The following GPC5 variants were observed in gnomAD, a reference collection of about 807,000 sequenced individuals.
GPC5 encodes glypican 5.
A neutral mutation model predicts 53.9 loss-of-function variants in GPC5; 47 were observed. The ratio of observed to expected loss-of-function variants is 0.87; its 90% CI spans 0.69 to 1.11. The LOEUF (loss-of-function observed/expected upper bound fraction) is 1.11. Ranked by LOEUF, GPC5 falls within the 50% of genes most tolerant of loss-of-function variation. The pLI is 0.00. For missense variants in GPC5, 748 were observed against 713.1 expected, an observed-to-expected ratio of 1.05 and a Z score of -0.56; for synonymous variants, 286 against 263.3, an observed-to-expected ratio of 1.09 and a Z score of -0.84.
At chr13:91,689,180 TATAA>T (rs1458676837) in intron 2 of GPC5, among the ~76,000 whole-genome samples, 2 of 76,022 alleles carry the variant, frequency 2.6e-5, no homozygotes, top group East Asian at 3.9e-4. Context: ...AAAAATCATA[TATAA>T]ATATATATAT....
At chr13:91,765,983 T>G (rs1296534100) in intron 5 of GPC5, among the ~76,000 whole-genome samples, 1 of 152,228 alleles carries the variant, frequency 6.6e-6, no homozygotes, top group Admixed American at 6.5e-5. Flanking sequence ...CACTTAAAAT[T>G]CTGTAATACA....
At position 92,824,726 on chromosome 13, in the gene GPC5, G is replaced by GAAA. The variant is rs5805766; in HGVS notation, c.1562-41548_1562-41546dup. On this transcript the variant is annotated intron_variant, in intron 7 of 7. Coordinates refer to ENST00000377067, the MANE Select transcript of GPC5 (RefSeq NM_004466.6). ...TAAATCTAAATAGCAAATGCCTTTTGAAAAAAAAAACTTCTCATCTTACAG... is the reference window on the plus strand; with the variant it reads ...TAAATCTAAATAGCAAATGCCTTTTGAAAAAAAAAAAAACTTCTCATCTTACAG... Among the ~76,000 whole-genome samples the GAAA allele has an allele frequency of 8.9e-3, 1,332 of 150,074 alleles. 8 individuals are homozygous for GAAA. The highest frequency in any genetic ancestry group is 0.012 in the Non-Finnish European group (836 of 67,548).
intron 2 of GPC5, among the ~76,000 whole-genome samples, chr13:91,665,943 G>T (rs1025683597): frequency 6.6e-6 from 1 of 152,156 alleles, no homozygotes; most frequent in Admixed American, 6.5e-5. Context: ...TCTTAGAGTT[G>T]GAAGGAATTT....
chr13:91,635,617 C>A (rs1369450112), intron 2 of GPC5, among the ~76,000 whole-genome samples: 1 of 152,034 alleles, frequency 6.6e-6, no homozygotes. Flanking sequence ...ACACTGATAT[C>A]TTTAAATTAC....
intron 6 of GPC5, chr13:91,995,062 C>T (rs570093607): frequency 1.3e-5 from 2 of 152,086 alleles, no homozygotes; most frequent in Non-Finnish European, 2.9e-5. Flanking sequence ...AGATCCGACT[C>T]CCAGGTTCAC....
At position 91,415,916 on chromosome 13, in the gene GPC5, T is replaced by A. The variant is rs559954246; in HGVS notation, c.163+16707T>A. Among the ~76,000 whole-genome samples the A allele has an allele frequency of 1.0e-3, 156 of 152,308 alleles. No individual in the cohort carries two copies. In the Middle Eastern group the frequency reaches 0.014, roughly 13 times the overall value. ...CATCTTTTATAGCATTTTATCACAT[T>A]AATTTTTTTTACAAATGTGTTTCCC... On this transcript the variant is annotated intron_variant, in intron 1 of 7. Coordinates refer to ENST00000377067, the MANE Select transcript of GPC5 (RefSeq NM_004466.6).
At chr13:91,418,297 A>C (rs752596687) in intron 1 of GPC5, among the ~76,000 whole-genome samples, 1 of 152,176 alleles carries the variant, frequency 6.6e-6, no homozygotes, top group Non-Finnish European at 1.5e-5. Flanking sequence ...GAGTAAATTG[A>C]GTCAGAGTCC....
intron 6 of GPC5, among the ~76,000 whole-genome samples, chr13:91,951,253 T>C (rs893775832): frequency 1.3e-5 from 2 of 152,186 alleles, no homozygotes; most frequent in South Asian, 2.1e-4. Context: ...TATTGATCTC[T>C]GTTTTCTATC....
At chr13:91,893,063 G>C (rs1289152846) in intron 5 of GPC5, among the ~76,000 whole-genome samples, 1 of 151,866 alleles carries the variant, frequency 6.6e-6, no homozygotes, top group Non-Finnish European at 1.5e-5. Flanking sequence ...TGGACATTTT[G>C]TTGATAACTC....
At chr13:91,945,116 G>T (rs920855911) in intron 6 of GPC5, among the ~76,000 whole-genome samples, 1 of 152,034 alleles carries the variant, frequency 6.6e-6, no homozygotes, top group Non-Finnish European at 1.5e-5. Context: ...ATCTATCTTG[G>T]CTTAATATAG....
intron 2 of GPC5, among the ~76,000 whole-genome samples, chr13:91,626,667 G>T (rs918163012): frequency 6.6e-6 from 1 of 151,496 alleles, no homozygotes; most frequent in Non-Finnish European, 1.5e-5. Flanking sequence ...TTTTTTATTT[G>T]TTTATATATA....
chr13:92,722,752 A>G (rs1391363501), intron 7 of GPC5, among the ~76,000 whole-genome samples: 1 of 151,824 alleles, frequency 6.6e-6, no homozygotes, highest in Non-Finnish European at 1.5e-5. Flanking sequence ...TGATTGGGTA[A>G]TTGTGCAAAG....
chr13:91,488,381 G>A (rs1392403498), intron 2 of GPC5, among the ~76,000 whole-genome samples: 1 of 152,144 alleles, frequency 6.6e-6, no homozygotes, highest in Non-Finnish European at 1.5e-5. Context: ...GATTCCCCAA[G>A]GTAAGTTGAA....
chr13:91,577,335 A>G (rs1018777819), intron 2 of GPC5, among the ~76,000 whole-genome samples: 8 of 152,208 alleles, frequency 5.3e-5, no homozygotes, highest in African/African-American at 1.9e-4. Flanking sequence ...GAGTTAAAAT[A>G]TAATATCGCA....
chr13:92,383,640 A>G (rs1488769606), intron 7 of GPC5, among the ~76,000 whole-genome samples: 3 of 152,196 alleles, frequency 2.0e-5, no homozygotes, highest in Non-Finnish European at 2.9e-5. Flanking sequence ...TTAGTCAACA[A>G]TCTGTTTCAG....
Position 91,571,776 on chromosome 13 carries a change from C to CACACATATACGTGTGTGTATGTAT in GPC5, c.326-121406_326-121405insTATACGTGTGTGTATGTATACACA, listed in dbSNP as rs1566515126. Among the ~76,000 whole-genome samples, 4 of 82,126 alleles carry CACACATATACGTGTGTGTATGTAT rather than the reference C, an allele frequency of 4.9e-5. 1 individual carries two copies. The highest frequency in any genetic ancestry group is 3.4e-4 in the African/African-American group (4 of 11,626). The allele number at this position is 82,126 out of a possible 152,430, so 53.9% of individuals were successfully genotyped here. A position where few individuals can be genotyped will look rare whatever the true frequency, so the allele number is the denominator to read the frequency against. ...ACATATACATGTGTATGTGTATATA[C>CACACATATACGTGTGTGTATGTAT]ACACACATATACGTGTGTGTATATA... is the stretch of plus-strand genomic sequence containing the variant. On this transcript the variant is annotated intron_variant, in intron 2 of 7. Coordinates refer to ENST00000377067, the MANE Select transcript of GPC5 (RefSeq NM_004466.6).
At chr13:92,839,647 G>T (rs536415641) in intron 7 of GPC5, among the ~76,000 whole-genome samples, 1 of 152,060 alleles carries the variant, frequency 6.6e-6, no homozygotes, top group South Asian at 2.1e-4. Flanking sequence ...TATTTTTATG[G>T]CTGCATAGTA....
chr13:92,828,594 T>C (rs1038953600), intron 7 of GPC5, among the ~76,000 whole-genome samples: 1 of 152,126 alleles, frequency 6.6e-6, no homozygotes, highest in Non-Finnish European at 1.5e-5. Context: ...CTGAAGATCA[T>C]TGAATGCCAC....
chr13:91,694,021 T>A, intron 3 of GPC5, 140 bp downstream of exon 3: 1 of 719,630 alleles, frequency 1.4e-6, no homozygotes, highest in Non-Finnish European at 2.2e-6. Context: ...TATGATAAAA[T>A]TTTGATTGGC....
Sources: allele counts gnomAD v4.1 joint callset (sites outside exome capture counted in the v4.1 genomes callset), GRCh38; gene constraint gnomAD v4.1.1; transcripts MANE v1.5; gene names NCBI Gene and HGNC (gene_info 2026-07-23, HGNC 2026-07-21).